The following DOCK1 variants were observed in gnomAD, a reference collection of about 807,000 sequenced individuals.
The protein encoded by DOCK1 is dedicator of cytokinesis 1.
Under a neutral mutation model 262.7 loss-of-function variants are expected in DOCK1, and 138 were observed. The observed-to-expected ratio is 0.53, with a 90% confidence interval of 0.46 to 0.61. The LOEUF (loss-of-function observed/expected upper bound fraction) is 0.61. DOCK1 is among the 20% of genes least tolerant of loss of function. The pLI, the probability that DOCK1 is intolerant of heterozygous loss-of-function variation, is 0.00. For missense variants in DOCK1, 1,908 were observed against 2,370.7 expected (o/e 0.80, Z 4.05); for synonymous variants, 866 against 867.4 (o/e 1.00, Z 0.03).
chr10:127,078,482 T>C (rs58348778), intron 23 of DOCK1, among the ~76,000 whole-genome samples: 12,650 of 152,124 alleles, frequency 0.083, 1,485 homozygotes, highest in African/African-American at 0.26. Context: ...TCCTCTGCAT[T>C]CAGGCTGCCT....
chr10:127,398,233 A>T (rs1426612131), intron 38 of DOCK1, among the ~76,000 whole-genome samples: 1 of 152,198 alleles, frequency 6.6e-6, no homozygotes, highest in Non-Finnish European at 1.5e-5. Context: ...CCGGTTGAGC[A>T]CTCCAGGAGG....
At chr10:127,324,784 C>T (rs115686649) in intron 29 of DOCK1, among the ~76,000 whole-genome samples, 1,761 of 152,342 alleles carry the variant, frequency 0.012, 48 homozygotes, top group African/African-American at 0.04. Flanking sequence ...TGCATACTGT[C>T]TGTTCTTAGG....
chr10:127,158,045 C>T (rs906120753), intron 27 of DOCK1, among the ~76,000 whole-genome samples: 1 of 152,290 alleles, frequency 6.6e-6, no homozygotes, highest in African/African-American at 2.4e-5. Flanking sequence ...GTCCTTGAAG[C>T]TTCCAAGCTG....
chr10:127,125,527 G>C lies in DOCK1; in HGVS notation c.2677G>C (p.Glu893Gln). 1.2e-6 allele frequency: 2 copies of C among 1,613,876 alleles called. No homozygotes were observed. Among genetic ancestry groups the C allele is most frequent in the East Asian group, 2.2e-5 (1 of 44,872 alleles). ...MMTDQLKYHL[E>Q]RQEDLEACCQ... is the part of the protein sequence containing the mutation. ...GACCGATCAGCTCAAGTACCATCTG[G>C]AGAGACAGGAGGACCTGGAGGCCTG... Residue 893 changes from glutamate to glutamine, a missense_variant, in exon 26 of 52, where the codon GAG becomes CAG. Coordinates refer to ENST00000623213, the MANE Select transcript of DOCK1 (RefSeq NM_001290223.2).
Position 127,404,440 on chromosome 10 carries a change from G to C in DOCK1, c.4122+11G>C, listed in dbSNP as rs1217730391. On this transcript the variant is annotated intron_variant, in intron 40 of 51. Transcript: ENST00000623213. ...CCCACATTCCTGCGGGTAAAGTTTG[G>C]TTCTGCCTAATCTGAGCCATGATTG... is the stretch of plus-strand genomic sequence containing the variant. 1.2e-6 allele frequency: 2 copies of C among 1,610,182 alleles called. No homozygotes were observed. The highest frequency in any genetic ancestry group is 1.7e-6 in the Non-Finnish European group (2 of 1,177,870).
In DOCK1 at chr10:127,176,281, T is replaced by G; in HGVS notation, c.2847+48517T>G. The G allele has an allele frequency of 6.2e-7, 1 of 1,614,132 alleles. No individual in the cohort carries two copies. The highest frequency in any genetic ancestry group is 8.5e-7 in the Non-Finnish European group (1 of 1,180,032). The stretch of plus-strand genomic sequence containing the variant: ...ACCTGCAGGGCTTTGTTCCGTTTTT[T>G]AATCTGCCGGTTGGGGTCCAGGGCG... On this transcript the variant is annotated intron_variant, in intron 27 of 51. Transcript: ENST00000623213. The surrounding 1 kb of genome is among the most constrained non-coding windows in gnomAD (Gnocchi z 4.4).
intron 16 of DOCK1, among the ~76,000 whole-genome samples, chr10:127,028,368 ACTATG>A (rs931441966): frequency 2.2e-4 from 34 of 152,282 alleles, no homozygotes; most frequent in Non-Finnish European, 3.7e-4. Context: ...GCCATCGTTC[ACTATG>A]CTCTTATCAT....
intron 29 of DOCK1, among the ~76,000 whole-genome samples, chr10:127,264,239 C>T (rs2060277073): frequency 6.6e-6 from 1 of 152,126 alleles, no homozygotes; most frequent in Non-Finnish European, 1.5e-5. Flanking sequence ...CCTACTGTAC[C>T]CTCTGCTCTC....
chr10:126,950,067 C>A, intron 1 of DOCK1, among the ~76,000 whole-genome samples: 1 of 143,698 alleles, frequency 7.0e-6, no homozygotes, highest in South Asian at 2.2e-4. Context: ...TTTTTTTTTT[C>A]CATTTGTGAA....
chr10:127,323,844 G>T (rs2062641863), intron 29 of DOCK1, among the ~76,000 whole-genome samples: 1 of 152,222 alleles, frequency 6.6e-6, no homozygotes, highest in Admixed American at 6.5e-5. Flanking sequence ...GGAAGAACAG[G>T]AAGCCTGCTC....
At chr10:127,428,422 A>T (rs1489767092) in intron 47 of DOCK1, among the ~76,000 whole-genome samples, 1 of 113,670 alleles carries the variant, frequency 8.8e-6, no homozygotes, top group Non-Finnish European at 1.9e-5. Context: ...GTGCCGTGTG[A>T]ATTGGGGTGC....
rs11016577 is a variant in DOCK1 at position 127,168,046 on chromosome 10, G to A, written c.2847+40282G>A. The stretch of plus-strand genomic sequence containing the variant: ...TCTCCAAGAGAAGCCCAAGAGGCAG[G>A]TATTCTCAGCTGTTTGTTACAGAGA... On this transcript the variant is annotated intron_variant, in intron 27 of 51. Coordinates refer to ENST00000623213, the MANE Select transcript of DOCK1 (RefSeq NM_001290223.2). Among the ~76,000 whole-genome samples the A allele has an allele frequency of 7.0e-4, 106 of 152,294 alleles. No homozygotes were observed. The East Asian group carries it at 0.015, about 21-fold the overall frequency.
intron 29 of DOCK1, among the ~76,000 whole-genome samples, chr10:127,263,632 T>G (rs1243821924): frequency 6.6e-6 from 1 of 152,258 alleles, no homozygotes; most frequent in Non-Finnish European, 1.5e-5. Flanking sequence ...AAGGTTTCAC[T>G]GAAGCTCTCA....
Position 126,946,232 on chromosome 10 carries a change from C to A in DOCK1, c.47-24470C>A, listed in dbSNP as rs906693541. On this transcript the variant is annotated intron_variant, in intron 1 of 51. Coordinates refer to ENST00000623213, the MANE Select transcript of DOCK1 (RefSeq NM_001290223.2). ...TTTCCAAGACTTTCACCGTCCCAGA[C>A]AGAAACTTTGTATCCGTTAAAAGCT... 4.5e-3 allele frequency among the ~76,000 whole-genome samples: 688 copies of A among 152,264 alleles called. 3 individuals are homozygous for A. Among genetic ancestry groups the A allele is most frequent in the Middle Eastern group, 0.031 (9 of 294 alleles).
At chr10:127,103,715 A>T (rs1203027631) in intron 23 of DOCK1, among the ~76,000 whole-genome samples, 1 of 152,244 alleles carries the variant, frequency 6.6e-6, no homozygotes, top group East Asian at 1.9e-4. Context: ...TTCCGTGCTT[A>T]ATTATCACTG....
intron 38 of DOCK1, among the ~76,000 whole-genome samples, chr10:127,401,330 G>A (rs745443723): frequency 6.6e-6 from 1 of 152,186 alleles, no homozygotes; most frequent in Non-Finnish European, 1.5e-5. Context: ...GAAGGAATTC[G>A]ATTGAGGGGC....
chr10:126,942,055 C>G (rs1027752413), intron 1 of DOCK1, among the ~76,000 whole-genome samples: 48 of 151,934 alleles, frequency 3.2e-4, no homozygotes, highest in African/African-American at 1.1e-3. Flanking sequence ...GACGGAGTCT[C>G]GCTCTGTCGC....
intron 29 of DOCK1, among the ~76,000 whole-genome samples, chr10:127,280,981 C>T (rs1420205110): frequency 6.6e-6 from 1 of 152,158 alleles, no homozygotes; most frequent in South Asian, 2.1e-4. Context: ...TAGCGAGTTA[C>T]TCCTTTGGAA....
At chr10:127,144,289 C>T (rs1478395193) in intron 27 of DOCK1, among the ~76,000 whole-genome samples, 1 of 152,104 alleles carries the variant, frequency 6.6e-6, no homozygotes, top group African/African-American at 2.4e-5. Context: ...TCTAGAATAA[C>T]AAAGTCCACC....
Sources: allele counts gnomAD v4.1 joint callset (sites outside exome capture counted in the v4.1 genomes callset), GRCh38; gene constraint gnomAD v4.1.1; non-coding constraint Gnocchi (gnomAD v3.1); transcripts MANE v1.5; gene names NCBI Gene and HGNC (gene_info 2026-07-23, HGNC 2026-07-21).